CNOT9: variants seen among roughly 807,000 people sequenced by gnomAD.
CNOT9 encodes CCR4-NOT transcription complex subunit 9, also known as RCD1 required for cell differentiation1 homolog.
In CNOT9, 8 loss-of-function variants were observed where a neutral mutation model predicts 37.4. The observed-to-expected ratio is 0.21, with a 90% CI of 0.13 to 0.39. The LOEUF is 0.39. CNOT9 is among the 10% of genes least tolerant of loss of function. The pLI is 1.00. For missense variants in CNOT9, 154 were observed against 365.3 expected (o/e 0.42, Z 4.71); for synonymous variants, 120 against 137.6 (o/e 0.87, Z 0.90).
chr2:218,592,351 G>A lies in CNOT9; in HGVS notation c.588G>A (p.Leu196=), dbSNP rs1694807524. 2 of 1,613,972 alleles carry A rather than the reference G, an allele frequency of 1.2e-6. No homozygotes were observed. The highest frequency in any genetic ancestry group is 1.7e-6 in the Non-Finnish European group (2 of 1,180,012). ...LQKILLDDTG[L]AYICQTYERF... ...AGATCTTGTTAGATGACACTGGTTT[G>A]GCTTATATATGTCAGACGTATGAGC... The change falls in exon 6 of 8, where the codon TTG becomes TTA. Residue 196 remains leucine (L), a synonymous_variant. Transcript: ENST00000273064. The surrounding 1 kb of genome is among the most constrained non-coding windows in gnomAD (Gnocchi z 4.1).
chr2:218,590,729 A>G (rs1028983972), intron 5 of CNOT9, among the ~76,000 whole-genome samples: 1 of 152,124 alleles, frequency 6.6e-6, no homozygotes, highest in Non-Finnish European at 1.5e-5. Flanking sequence ...GCGATGTGGC[A>G]TGTTCAAATC....
intron 7 of CNOT9, among the ~76,000 whole-genome samples, chr2:218,593,316 T>G (rs896585029): frequency 3.3e-5 from 5 of 152,220 alleles, no homozygotes; most frequent in African/African-American, 1.2e-4. Flanking sequence ...TTGATTTGAT[T>G]TAATGTGAAC....
chr2:218,576,429 T>C (rs542704427), intron 1 of CNOT9, among the ~76,000 whole-genome samples: 1 of 152,336 alleles, frequency 6.6e-6, no homozygotes, highest in South Asian at 2.1e-4. Flanking sequence ...ATGCCCCATC[T>C]GATCCATAAT....
Position 218,592,771 on chromosome 2 carries a change from A to C in CNOT9, c.731+64A>C. 5.1e-5 allele frequency: 64 copies of C among 1,262,794 alleles called. No individual in the cohort carries two copies. Among genetic ancestry groups the C allele is most frequent in the Middle Eastern group, 1.9e-4 (1 of 5,346 alleles). 78.2% of individuals were successfully genotyped at this position (1,262,794 alleles called of 1,614,324 possible). ...CTCTGCTGAACAGTTTCCTAATCTCATGGCATAGCTCCTGTGTCTTTAGGA... is the reference window on the plus strand; with the variant it reads ...CTCTGCTGAACAGTTTCCTAATCTCCTGGCATAGCTCCTGTGTCTTTAGGA... On this transcript the variant is annotated intron_variant, in intron 7 of 7. Coordinates refer to ENST00000273064, the MANE Select transcript of CNOT9 (RefSeq NM_005444.3). This position sits in a 1 kb window ranked among gnomAD's most constrained non-coding sequence, Gnocchi z 4.1.
chr2:218,585,648 T>TTA (rs1694567190), intron 4 of CNOT9, among the ~76,000 whole-genome samples: 7 of 91,094 alleles, frequency 7.7e-5, no homozygotes, highest in Non-Finnish European at 1.3e-4. Context: ...ATTTTTTTTT[T>TTA]TTTTTTTTGA....
rs1184054888 is a variant in CNOT9, at chr2:218,585,633, ATTTTATTTT to A, written c.430+917_430+925del. Among the ~76,000 whole-genome samples the A allele has an allele frequency of 6.4e-3, 18 of 2,822 alleles. No individual in the cohort carries two copies. The Non-Finnish European group carries it at 0.068, about 11-fold the overall frequency. The allele number at this position is 2,822 out of a possible 152,430, so 1.9% of individuals were successfully genotyped here. The stretch of plus-strand genomic sequence containing the variant: ...ATGAACAATAGGAAATTTATTTTTT[ATTTTATTTT>A]TTTTTTTTTTTTTTGAGACAAGGTC... On this transcript the variant is annotated intron_variant, in intron 4 of 7. Transcript: ENST00000273064.
At chr2:218,587,452 A>G (rs1004289030) in intron 4 of CNOT9, 134 bp from the exon 5 acceptor site, 194 of 1,313,090 alleles carry the variant, frequency 1.5e-4, no homozygotes, top group Non-Finnish European at 1.9e-4. Context: ...ACGAGTGTGA[A>G]TCTGATTCCT....
chr2:218,582,918 G>C, intron 2 of CNOT9, 53 bp from the exon 3 acceptor site: 3 of 983,932 alleles, frequency 3.0e-6, no homozygotes, highest in Non-Finnish European at 4.8e-6. Context: ...ATTACCATGG[G>C]AATTAATTTT....
rs139655080 is a variant in CNOT9, at chr2:218,575,697, C to T, written c.25-4864C>T. On this transcript the variant is annotated intron_variant, in intron 1 of 7. Coordinates refer to ENST00000273064, the MANE Select transcript of CNOT9 (RefSeq NM_005444.3). ...GGATTACAGGCGTGAGCCACCGTGC[C>T]GGACTTCATTTGATTCTTAAAGGGT... 1.3e-3 allele frequency among the ~76,000 whole-genome samples: 201 copies of T among 152,154 alleles called. 2 individuals are homozygous for T. Among genetic ancestry groups the T allele is most frequent in the East Asian group, 2.1e-3 (11 of 5,186 alleles).
chr2:218,583,265 C>CCTGG (rs1694478537), intron 3 of CNOT9, among the ~76,000 whole-genome samples, 179 bp downstream of exon 3: 1 of 129,658 alleles, frequency 7.7e-6, no homozygotes, highest in African/African-American at 3.5e-5. Flanking sequence ...CTCTCTCTCT[C>CCTGG]TCTCTCTCTC....
At chr2:218,573,321 A>T (rs1271410872) in intron 1 of CNOT9, among the ~76,000 whole-genome samples, 133 of 132,068 alleles carry the variant, frequency 1.0e-3, no homozygotes, top group African/African-American at 4.3e-3. Flanking sequence ...TCCATCTTAA[A>T]AAAAAAAAAA....
At chr2:218,587,237 C>T in intron 4 of CNOT9, 1 of 158,684 alleles carries the variant, frequency 6.3e-6, no homozygotes, top group Non-Finnish European at 1.4e-5. Context: ...ATTCTCCTGC[C>T]TCAGCTTCCC....
chr2:218,594,381 A>G lies in CNOT9; in HGVS notation c.*105A>G. On this transcript the variant is annotated 3_prime_UTR_variant, in exon 8 of 8. Coordinates refer to ENST00000273064, the MANE Select transcript of CNOT9 (RefSeq NM_005444.3). ...TCACCGACTGGGAATAGACAACCTC[A>G]ATGCTGAACCGCACTGGAGAAAAGG... 7.9e-7 allele frequency: 1 copy of G among 1,261,534 alleles called. No homozygotes were observed. Among genetic ancestry groups the G allele is most frequent in the South Asian group, 1.5e-5 (1 of 68,956 alleles). The allele number at this position is 1,261,534 out of a possible 1,614,324, so 78.1% of individuals were successfully genotyped here. A position where few individuals can be genotyped will look rare whatever the true frequency, so the allele number is the denominator to read the frequency against.
intron 5 of CNOT9, among the ~76,000 whole-genome samples, chr2:218,590,063 TTTG>T (rs1462887913): frequency 2.1e-5 from 3 of 142,652 alleles, no homozygotes; most frequent in African/African-American, 7.7e-5. Context: ...TGTTTTTTTT[TTTG>T]TTGTTGTTGT....
rs190335414 is a variant in CNOT9 at position 218,572,213 on chromosome 2, C to T, written c.24+3235C>T. 5.7e-4 allele frequency among the ~76,000 whole-genome samples: 86 copies of T among 152,154 alleles called. No individual in the cohort carries two copies. In the East Asian group the frequency reaches 0.016, roughly 28 times the overall value. The stretch of plus-strand genomic sequence containing the variant: ...GCAGGCGCCTGTAATCCCAGCTACT[C>T]AGGAGGCTGAGGCGGGAGAATCACT... On this transcript the variant is annotated intron_variant, in intron 1 of 7. Transcript: ENST00000273064.
At chr2:218,587,391 G>A in intron 4 of CNOT9, 195 bp from the exon 5 acceptor site, 3 of 1,135,006 alleles carry the variant, frequency 2.6e-6, no homozygotes, top group Non-Finnish European at 3.3e-6. Flanking sequence ...CCAAAGTGCT[G>A]GGATTACAGG....
rs1485921090 is a variant in CNOT9, at chr2:218,596,952, AT to A, written c.*2678del. The A allele has an allele frequency of 4.6e-5, 7 of 152,192 alleles. No homozygotes were observed. The highest frequency in any genetic ancestry group is 1.7e-4 in the African/African-American group (7 of 41,450). The allele number at this position is 152,192 out of a possible 1,614,324, so 9.4% of individuals were successfully genotyped here. A position where few individuals can be genotyped will look rare whatever the true frequency, so the allele number is the denominator to read the frequency against. ...GTTTCACTGGTGGAACAGGAGCAGC[AT>A]TGGTAGCCTTCAGAGCATGCCTTGC... On this transcript the variant is annotated 3_prime_UTR_variant, in exon 8 of 8. Transcript: ENST00000273064.
At chr2:218,571,062 A>G (rs1574982083) in intron 1 of CNOT9, among the ~76,000 whole-genome samples, 2 of 152,312 alleles carry the variant, frequency 1.3e-5, no homozygotes, top group East Asian at 3.9e-4. Flanking sequence ...GGGTAAAGGG[A>G]CAGTAATGAT....
rs1419181622 is a variant in CNOT9 at position 218,595,599 on chromosome 2, C to T, written c.*1323C>T. The T allele has an allele frequency of 6.6e-6, 1 of 151,608 alleles. No individual in the cohort carries two copies. Among genetic ancestry groups the T allele is most frequent in the Non-Finnish European group, 1.5e-5 (1 of 67,940 alleles). The allele number at this position is 151,608 out of a possible 1,614,324, so 9.4% of individuals were successfully genotyped here. On this transcript the variant is annotated 3_prime_UTR_variant, in exon 8 of 8. Coordinates refer to ENST00000273064, the MANE Select transcript of CNOT9 (RefSeq NM_005444.3). Reference sequence around the variant, plus strand: ...ACTGCCTTGCTTTCCCCGGTTCTTTCCCCTGCTAGCACCTGCTTTCTCATC... The same window carrying T: ...ACTGCCTTGCTTTCCCCGGTTCTTTTCCCTGCTAGCACCTGCTTTCTCATC...
Sources: gnomAD v4.1 joint callset for allele counts (sites outside exome capture counted in the v4.1 genomes callset) on GRCh38, gnomAD v4.1.1 for gene constraint, Gnocchi (gnomAD v3.1) non-coding constraint, MANE v1.5 for transcripts, NCBI Gene and HGNC (gene_info 2026-07-23, HGNC 2026-07-21) for gene names.